KIAA2012: variants seen among roughly 807,000 people sequenced by gnomAD.
KIAA2012 encodes the protein uncharacterized protein KIAA2012.
Under a neutral mutation model 150.6 loss-of-function variants are expected in KIAA2012, and 125 were observed. The ratio of observed to expected loss-of-function variants is 0.83; its 90% confidence interval spans 0.72 to 0.96. KIAA2012 has a LOEUF of 0.96. Among genes scored for constraint, KIAA2012 ranks in the 40% least tolerant of loss-of-function variants. The pLI, the probability that KIAA2012 is intolerant of heterozygous loss-of-function variation, is 0.00. For synonymous variants in KIAA2012, 462 were observed against 504.7 expected (o/e 0.92, Z 1.13); for missense variants, 1,219 against 1,354.9 (o/e 0.90, Z 1.57).
chr2:202,189,216 G>T lies in KIAA2012; in HGVS notation c.2491+950G>T, dbSNP rs1692283219. Among the ~76,000 whole-genome samples, 3 of 152,062 alleles carry T rather than the reference G, an allele frequency of 2.0e-5. No individual in the cohort carries two copies. In the South Asian group the frequency reaches 6.2e-4, roughly 32 times the overall value. ...CTGCAACCTCAAGCCAGACTCTCAA[G>T]GTATGACTTTCCAGCTGTGTGTACA... On this transcript the variant is annotated intron_variant, in intron 18 of 23. Coordinates refer to ENST00000498697, the MANE Select transcript of KIAA2012 (RefSeq NM_001277372.4).
At chr2:202,075,459 C>T (rs1202610749) in intron 2 of KIAA2012, among the ~76,000 whole-genome samples, 1 of 152,160 alleles carries the variant, frequency 6.6e-6, no homozygotes, top group African/African-American at 2.4e-5. Context: ...AACACAAAGT[C>T]CTTTTCAGCA....
intron 10 of KIAA2012, among the ~76,000 whole-genome samples, chr2:202,110,251 G>A (rs1172561602): frequency 6.6e-6 from 1 of 152,216 alleles, no homozygotes; most frequent in Non-Finnish European, 1.5e-5. Context: ...CTAGGGAAGG[G>A]TGAGGCAGGG....
At chr2:202,110,175 C>A (rs1690308895) in intron 10 of KIAA2012, among the ~76,000 whole-genome samples, 1 of 152,156 alleles carries the variant, frequency 6.6e-6, no homozygotes, top group Non-Finnish European at 1.5e-5. Context: ...ACAGAAGAGT[C>A]CCCAGACAGA....
In KIAA2012 at chr2:202,104,129, A is replaced by C. The variant is rs1690121335; in HGVS notation, c.1324+1015A>C. ...TAAAAGACCAATGGAAGGGGACATG[A>C]AGGAACTTTCTGGGGTGATGAAAAA... On this transcript the variant is annotated intron_variant, in intron 8 of 23. Coordinates refer to ENST00000498697, the MANE Select transcript of KIAA2012 (RefSeq NM_001277372.4). The surrounding 1 kb of genome is among the most constrained non-coding windows in gnomAD (Gnocchi z 4.3). Among the ~76,000 whole-genome samples, 1 of 152,184 alleles carries C rather than the reference A, an allele frequency of 6.6e-6. No individual in the cohort carries two copies.
chr2:202,202,659 G>A (rs1692552188), intron 23 of KIAA2012, 72 bp downstream of exon 23: 2 of 396,260 alleles, frequency 5.0e-6, no homozygotes, highest in Admixed American at 8.8e-5. Context: ...CAGGCACGGT[G>A]GCTCATGCAT....
In KIAA2012 at chr2:202,132,505, G is replaced by A. The variant is rs559731373; in HGVS notation, c.1832-5927G>A. Among the ~76,000 whole-genome samples the A allele has an allele frequency of 1.3e-5, 2 of 150,890 alleles. 1 individual carries two copies. Among genetic ancestry groups the A allele is most frequent in the African/African-American group, 4.9e-5 (2 of 41,006 alleles). On this transcript the variant is annotated intron_variant, in intron 12 of 23. Coordinates refer to ENST00000498697, the MANE Select transcript of KIAA2012 (RefSeq NM_001277372.4). ...AACATGGCAAAACCCCGTCTCTACT[G>A]AAAATACAAAAATTAGCCAGGCATG...
chr2:202,078,428 A>G (rs1172457868), intron 2 of KIAA2012, among the ~76,000 whole-genome samples: 1 of 152,122 alleles, frequency 6.6e-6, no homozygotes, highest in Non-Finnish European at 1.5e-5. Flanking sequence ...AGCTGAGACT[A>G]CTGGCTCATG....
chr2:202,079,562 C>A (rs1689397928), intron 2 of KIAA2012, among the ~76,000 whole-genome samples: 1 of 152,186 alleles, frequency 6.6e-6, no homozygotes, highest in Non-Finnish European at 1.5e-5. Context: ...CATGTGGCAA[C>A]CCGTCTGGAG....
chr2:202,100,293 T>C lies in KIAA2012; in HGVS notation c.1013-14T>C. On this transcript the variant is annotated splice_polypyrimidine_tract_variant and intron_variant, in intron 6 of 23. Transcript: ENST00000498697. ...TGCAATTAATATATTCTCATTCTCA[T>C]CCTGTTTTTAAAGATAAACAAAGGA... 1 of 1,548,146 alleles carries C rather than the reference T, an allele frequency of 6.5e-7. No homozygotes were observed. The highest frequency in any genetic ancestry group is 1.2e-5 in the South Asian group (1 of 83,812).
intron 11 of KIAA2012, among the ~76,000 whole-genome samples, chr2:202,121,569 A>G (rs1442780858): frequency 6.6e-6 from 1 of 152,210 alleles, no homozygotes; most frequent in African/African-American, 2.4e-5. Flanking sequence ...GCACCTTGCT[A>G]TGCATGTCAT....
chr2:202,143,332 C>T lies in KIAA2012; in HGVS notation c.1908+4824C>T, dbSNP rs561438624. ...AACTCCTGAGCTCAGGCAATCTACCCGCCTTGGCCTCCCAAAGTGCTAGGA... is the reference window on the plus strand; with the variant it reads ...AACTCCTGAGCTCAGGCAATCTACCTGCCTTGGCCTCCCAAAGTGCTAGGA... On this transcript the variant is annotated intron_variant, in intron 13 of 23. Coordinates refer to ENST00000498697, the MANE Select transcript of KIAA2012 (RefSeq NM_001277372.4). 5.3e-5 allele frequency among the ~76,000 whole-genome samples: 8 copies of T among 152,072 alleles called. No homozygotes were observed. In the South Asian group the frequency reaches 1.7e-3, roughly 32 times the overall value.
intron 15 of KIAA2012, 112 bp from the exon 16 acceptor site, chr2:202,184,641 G>A: frequency 1.6e-6 from 1 of 643,770 alleles, no homozygotes; most frequent in Non-Finnish European, 2.6e-6. Flanking sequence ...ATACGTCATT[G>A]TTCTAATTTG....
Position 202,190,466 on chromosome 2 carries a change from A to C in KIAA2012, c.2784A>C (p.Glu928Asp). The change falls in exon 19 of 24, where the codon GAA becomes GAC. Residue 928 changes from glutamate to aspartate, a missense_variant. By Grantham distance (45) the Glu-to-Asp change is conservative (BLOSUM62 2). Transcript: ENST00000498697. ...TCACTGGCAACATGGAATCTAAAGAAGAGAGAAGATGTGAGGACCCTTCCA... is the reference window on the plus strand; with the variant it reads ...TCACTGGCAACATGGAATCTAAAGACGAGAGAAGATGTGAGGACCCTTCCA... ...ATVTGNMESK[E>D]ERRCEDPSKA... is the part of the protein sequence containing the mutation. 6.5e-7 allele frequency: 1 copy of C among 1,541,780 alleles called. No homozygotes were observed. Among genetic ancestry groups the C allele is most frequent in the Non-Finnish European group, 8.8e-7 (1 of 1,141,986 alleles).
chr2:202,147,937 C>G (rs994985059), intron 13 of KIAA2012, among the ~76,000 whole-genome samples: 6 of 151,990 alleles, frequency 3.9e-5, no homozygotes, highest in Non-Finnish European at 8.8e-5. Context: ...AGCTAGCCAC[C>G]CCCTCACAGA....
chr2:202,164,225 T>C (rs1197548775), intron 14 of KIAA2012, among the ~76,000 whole-genome samples: 2 of 151,904 alleles, frequency 1.3e-5, no homozygotes, highest in Non-Finnish European at 2.9e-5. Context: ...CTTACTTGGG[T>C]CACCAACTCT....
At chr2:202,125,320 A>G in intron 12 of KIAA2012, 38 bp downstream of exon 12, 1 of 1,462,194 alleles carries the variant, frequency 6.8e-7, no homozygotes, top group South Asian at 1.2e-5. Flanking sequence ...CGACTTCTCT[A>G]TGTAATTTGA....
At chr2:202,201,545 G>A in intron 22 of KIAA2012, 3 of 1,609,654 alleles carry the variant, frequency 1.9e-6, no homozygotes. Context: ...CTCCAAATCT[G>A]GCACCTGCAT....
In KIAA2012 at chr2:202,201,957, C is replaced by T. The variant is rs116187122; in HGVS notation, c.3408-472C>T. The T allele has an allele frequency of 4.7e-4, 322 of 686,948 alleles. No homozygotes were observed. In the African/African-American group the frequency reaches 5.2e-3, roughly 11 times the overall value. The allele number at this position is 686,948 out of a possible 1,614,324, so 42.6% of individuals were successfully genotyped here. Reference sequence around the variant, plus strand: ...TTTCCGTCCTCTTCCTGTTCGGAGCCACTTCATGTCACGTGACAGTCCATC... The same window carrying T: ...TTTCCGTCCTCTTCCTGTTCGGAGCTACTTCATGTCACGTGACAGTCCATC... On this transcript the variant is annotated intron_variant, in intron 22 of 23. Coordinates refer to ENST00000498697, the MANE Select transcript of KIAA2012 (RefSeq NM_001277372.4).
chr2:202,134,591 G>A (rs1481532157), intron 12 of KIAA2012, among the ~76,000 whole-genome samples: 1 of 152,256 alleles, frequency 6.6e-6, no homozygotes, highest in Non-Finnish European at 1.5e-5. Flanking sequence ...TTTCGCTCTT[G>A]TTGCCCAGGC....
Sources: allele counts gnomAD v4.1 joint callset (sites outside exome capture counted in the v4.1 genomes callset), GRCh38; gene constraint gnomAD v4.1.1; non-coding constraint Gnocchi (gnomAD v3.1); transcripts MANE v1.5; gene names NCBI Gene and HGNC (gene_info 2026-07-23, HGNC 2026-07-21).